NHS: variants seen among roughly 807,000 people sequenced by gnomAD.
NHS encodes the protein actin remodeling regulator NHS.
A neutral mutation model predicts 72.5 loss-of-function variants in NHS; 5 were observed. The ratio of observed to expected loss-of-function variants is 0.07; its 90% CI spans 0.04 to 0.14. The LOEUF (loss-of-function observed/expected upper bound fraction) is 0.14. Among genes scored for constraint, NHS ranks in the 10% least tolerant of loss-of-function variants. The pLI is 1.00. For missense variants in NHS, 1,072 were observed against 1,355.7 expected, an observed-to-expected ratio of 0.79 and a Z score of 3.29; for synonymous variants, 464 against 547.7, an observed-to-expected ratio of 0.85 and a Z score of 2.13.
Position 17,734,046 on chromosome X carries a change from G to A in NHS, c.*1582G>A, listed in dbSNP as rs1458396529. 8.9e-6 allele frequency: 1 copy of A among 112,539 alleles called. No homozygotes were observed. The highest frequency in any genetic ancestry group is 3.2e-5 in the African/African-American group (1 of 30,867). The allele number at this position is 112,539 out of a possible 1,213,427, so 9.3% of individuals were successfully genotyped here. On this transcript the variant is annotated 3_prime_UTR_variant, in exon 9 of 9. Coordinates refer to ENST00000676302, the MANE Select transcript of NHS (RefSeq NM_001291867.2). ...GAATCTTATGTCAGAAATATAAGCA[G>A]CTATGTACTTAGAATAGGTTTTGAA...
At chrX:17,564,085 A>G (rs1440173337) in intron 1 of NHS, among the ~76,000 whole-genome samples, 2 of 111,753 alleles carry the variant, frequency 1.8e-5, no homozygotes, top group Non-Finnish European at 3.8e-5. Context: ...AAACTTACAG[A>G]AGTACAATTA....
At chrX:17,465,250 T>C (rs1338314180) in intron 1 of NHS, among the ~76,000 whole-genome samples, 1 of 111,565 alleles carries the variant, frequency 9.0e-6, no homozygotes, top group Admixed American at 9.6e-5. Context: ...AGTGCAATGA[T>C]ACTGTGGGGC....
intron 1 of NHS, among the ~76,000 whole-genome samples, chrX:17,470,710 A>G (rs1244170879): frequency 9.0e-6 from 1 of 110,513 alleles, no homozygotes; most frequent in South Asian, 4.0e-4. Context: ...TCTTTTCTCA[A>G]ATATTCTCAT....
At chrX:17,723,970 T>C (rs1423387596) in intron 5 of NHS, among the ~76,000 whole-genome samples, 1 of 111,348 alleles carries the variant, frequency 9.0e-6, no homozygotes, top group African/African-American at 3.3e-5. Context: ...CAGTAAATAG[T>C]AGTAACTAAA....
rs767871197 is a variant in NHS at position 17,376,308 on chromosome X, A to G, written c.551A>G (p.Lys184Arg). 8.7e-7 allele frequency: 1 copy of G among 1,153,121 alleles called. No homozygotes were observed. The highest frequency in any genetic ancestry group is 1.9e-5 in the South Asian group (1 of 52,654). Residue 184 changes from lysine to arginine, a missense_variant, in exon 1 of 9, where the codon AAG (lysine) becomes AGG (arginine). Lys to Arg is a conservative substitution (Grantham distance 26). Coordinates refer to ENST00000676302, the MANE Select transcript of NHS (RefSeq NM_001291867.2). ...CGCGTCCTCAGCACGCTTGACCCTA[A>G]GCAGGAGGCAGTGCGTGAGTACCCG... Reference protein sequence around the residue: ...VQRVLSTLDPKQEAVPVSNLD... With the variant: ...VQRVLSTLDPRQEAVPVSNLD...
intron 3 of NHS, among the ~76,000 whole-genome samples, chrX:17,697,359 A>G (rs1833228222): frequency 1.8e-5 from 2 of 112,057 alleles, no homozygotes; most frequent in African/African-American, 6.5e-5. Context: ...TGGTGCCATT[A>G]AACTAGGGAT....
At chrX:17,724,911 A>T (rs2066431111) in intron 6 of NHS, among the ~76,000 whole-genome samples, 1 of 112,128 alleles carries the variant, frequency 8.9e-6, no homozygotes, top group Non-Finnish European at 1.9e-5. Context: ...TATGATTTTT[A>T]AAAAATTATT....
rs1728015580 is a variant in NHS, at chrX:17,443,111, C to T, written c.565+66789C>T. On this transcript the variant is annotated intron_variant, in intron 1 of 8. Transcript: ENST00000676302. ...CTGGAGTCATACTCCCTAGAATCAA[C>T]ACTATTACCCAGCTAGATGACTTTG... 2.7e-5 allele frequency among the ~76,000 whole-genome samples: 3 copies of T among 112,411 alleles called. No individual in the cohort carries two copies. In the South Asian group the frequency reaches 1.1e-3, roughly 42 times the overall value.
intron 1 of NHS, among the ~76,000 whole-genome samples, chrX:17,534,572 A>G (rs1388448674): frequency 9.0e-6 from 1 of 111,348 alleles, no homozygotes; most frequent in Non-Finnish European, 1.9e-5. Context: ...GGCCCCATAA[A>G]TGGCAACTCC....
chrX:17,402,455 G>A (rs1283464892), intron 1 of NHS, among the ~76,000 whole-genome samples: 1 of 112,204 alleles, frequency 8.9e-6, no homozygotes, highest in Non-Finnish European at 1.9e-5. Flanking sequence ...GGATATCCAT[G>A]CAATAAAACA....
intron 1 of NHS, among the ~76,000 whole-genome samples, chrX:17,399,729 G>A (rs1242263880): frequency 8.9e-6 from 1 of 111,794 alleles, no homozygotes; most frequent in Admixed American, 9.5e-5. Context: ...AGAAAGATAC[G>A]GATTGTTACA....
chrX:17,465,296 A>G (rs2064866213), intron 1 of NHS, among the ~76,000 whole-genome samples: 1 of 111,347 alleles, frequency 9.0e-6, no homozygotes, highest in East Asian at 2.8e-4. Context: ...TGACTCATAA[A>G]AGTCTTGGTA....
chrX:17,411,610 A>G (rs752163556), intron 1 of NHS, among the ~76,000 whole-genome samples: 3 of 111,994 alleles, frequency 2.7e-5, no homozygotes, highest in African/African-American at 9.7e-5. Flanking sequence ...GATTTTTTTT[A>G]AAAAAAGAAG....
chrX:17,516,180 T>C (rs939156420), intron 1 of NHS, among the ~76,000 whole-genome samples: 1 of 111,775 alleles, frequency 8.9e-6, no homozygotes, highest in African/African-American at 3.3e-5. Flanking sequence ...AGTATGCCTT[T>C]GAAGTTCTGT....
intron 1 of NHS, among the ~76,000 whole-genome samples, chrX:17,392,546 C>T (rs745711867): frequency 1.8e-5 from 2 of 111,833 alleles, no homozygotes; most frequent in East Asian, 2.8e-4. Flanking sequence ...TATGTGTGAC[C>T]GGAAGCCATG....
rs746116888 is a variant in NHS at position 17,732,511 on chromosome X, A to G, written c.*47A>G. 29 of 1,209,303 alleles carry G rather than the reference A, an allele frequency of 2.4e-5. No individual in the cohort carries two copies. The highest frequency in any genetic ancestry group is 1.1e-5 in the Non-Finnish European group (10 of 893,809). The stretch of plus-strand genomic sequence containing the variant: ...GGCAAAGGCCAAAACCCTTACTCAC[A>G]TGAGGATGGAGGAACAGAACAGAGG... On this transcript the variant is annotated 3_prime_UTR_variant, in exon 9 of 9. Coordinates refer to ENST00000676302, the MANE Select transcript of NHS (RefSeq NM_001291867.2).
chrX:17,492,954 A>G (rs113551237), intron 1 of NHS, among the ~76,000 whole-genome samples: 33 of 112,390 alleles, frequency 2.9e-4, no homozygotes, highest in African/African-American at 9.0e-4. Context: ...TTCCCCTGAT[A>G]TAGGATCAAG....
chrX:17,441,673 C>T (rs144551362), intron 1 of NHS, among the ~76,000 whole-genome samples: 2,160 of 110,797 alleles, frequency 0.019, 25 homozygotes, highest in Middle Eastern at 0.051. Flanking sequence ...TTCCTTCCTT[C>T]CTTCGTTCCT....
At chrX:17,447,835 C>G (rs901985037) in intron 1 of NHS, among the ~76,000 whole-genome samples, 1 of 108,838 alleles carries the variant, frequency 9.2e-6, no homozygotes, top group South Asian at 4.0e-4. Flanking sequence ...TTTTCTGGTT[C>G]TTTCTTCTTT....
Sources: allele counts gnomAD v4.1 joint callset (sites outside exome capture counted in the v4.1 genomes callset), GRCh38; gene constraint gnomAD v4.1.1; transcripts MANE v1.5; gene names NCBI Gene and HGNC (gene_info 2026-07-23, HGNC 2026-07-21).